The following DENND2A variants were observed in gnomAD, a reference collection of about 807,000 sequenced individuals.
DENND2A encodes DENN domain-containing protein 2A.
DENND2A carries 53 observed loss-of-function variants against 105.3 expected under a neutral mutation model. That is an observed-to-expected ratio of 0.50 (90% CI 0.40 to 0.63). The LOEUF is 0.63. DENND2A is among the 30% of genes least tolerant of loss of function. The probability of loss-of-function intolerance (pLI) is 0.00; values close to 1 mark genes in which losing one functional copy is unlikely to be tolerated. For missense variants in DENND2A, 1,138 were observed against 1,279.6 expected (o/e 0.89, Z 1.69); for synonymous variants, 522 against 508.4 (o/e 1.03, Z -0.36).
Position 140,523,214 on chromosome 7 carries a change from C to A in DENND2A, c.2665+93G>T. On this transcript the variant is annotated intron_variant, in intron 17 of 19. Coordinates refer to ENST00000496613, the MANE Select transcript of DENND2A (RefSeq NM_015689.5). This position sits in a 1 kb window ranked among gnomAD's most constrained non-coding sequence, Gnocchi z 4.5. ...TTTCTCTCCTTATGTCTCCCTTGCC[C>A]ATATTCCTACTTGGCCCTTGGCCAC... 8.8e-7 allele frequency: 1 copy of A among 1,135,746 alleles called. No homozygotes were observed. Among genetic ancestry groups the A allele is most frequent in the Non-Finnish European group, 1.3e-6 (1 of 750,180 alleles). 70.4% of individuals were successfully genotyped at this position (1,135,746 alleles called of 1,614,324 possible). A position where few individuals can be genotyped will look rare whatever the true frequency, so the allele number is the denominator to read the frequency against.
At chr7:140,631,942 G>A (rs2130738546) in intron 1 of DENND2A, among the ~76,000 whole-genome samples, 1 of 152,152 alleles carries the variant, frequency 6.6e-6, no homozygotes, top group South Asian at 2.1e-4. Flanking sequence ...CTCACTCCAA[G>A]CTCGGGAGAT....
In DENND2A at chr7:140,567,287, GGAGAGAGAAAGAGAGAAAGA is replaced by G; in HGVS notation, c.1592-34_1592-15del. On this transcript the variant is annotated splice_polypyrimidine_tract_variant and intron_variant, in intron 8 of 19. Transcript: ENST00000496613. ...GCTGGCTGTGAGCTGGGTGAGGGAG[GGAGAGAGAAAGAGAGAAAGA>G]GAGAGAGAGAGAGAGAGAGAGAGAG... 8.2e-7 allele frequency: 1 copy of G among 1,214,390 alleles called. No individual in the cohort carries two copies. The highest frequency in any genetic ancestry group is 2.1e-5 in the Admixed American group (1 of 48,240). The allele number at this position is 1,214,390 out of a possible 1,614,324, so 75.2% of individuals were successfully genotyped here. A position where few individuals can be genotyped will look rare whatever the true frequency, so the allele number is the denominator to read the frequency against.
In DENND2A at chr7:140,601,642, C is replaced by T; in HGVS notation, c.756G>A (p.Arg252=). Residue 252 remains arginine, a synonymous_variant, in exon 3 of 20, where the codon AGG becomes AGA. Transcript: ENST00000496613. The part of the protein sequence containing the change: ...PWDRSLENVY[R]GSEGSPTKPF... ...GCTTTGTGGGGGAACCCTCCGAGCC[C>T]CTATACACGTTCTCAAGGCTCCGGT... 1.2e-6 allele frequency: 2 copies of T among 1,613,138 alleles called. No individual in the cohort carries two copies. Among genetic ancestry groups the T allele is most frequent in the Non-Finnish European group, 1.7e-6 (2 of 1,179,326 alleles).
chr7:140,596,386 G>A (rs555014254), intron 3 of DENND2A, among the ~76,000 whole-genome samples: 4 of 152,282 alleles, frequency 2.6e-5, no homozygotes, highest in Non-Finnish European at 4.4e-5. Context: ...GTTTTTAGAC[G>A]TGGTAATTCC....
intron 14 of DENND2A, among the ~76,000 whole-genome samples, chr7:140,539,047 C>T (rs941345985): frequency 2.0e-5 from 3 of 152,188 alleles, no homozygotes; most frequent in Non-Finnish European, 4.4e-5. Flanking sequence ...TGGTCTCGAA[C>T]TCCTGGCCTC....
chr7:140,522,821 T>G (rs2130453975), intron 17 of DENND2A, among the ~76,000 whole-genome samples: 1 of 152,036 alleles, frequency 6.6e-6, no homozygotes, highest in Non-Finnish European at 1.5e-5. Context: ...TTGGCCAGGC[T>G]GGTTTCGAAC....
rs553759965 is a variant in DENND2A at position 140,579,243 on chromosome 7, C to CGATTGT, written c.1246-5241_1246-5236dup. Among the ~76,000 whole-genome samples, 3 of 151,320 alleles carry CGATTGT rather than the reference C, an allele frequency of 2.0e-5. No individual in the cohort carries two copies. The South Asian group carries it at 6.3e-4, about 32-fold the overall frequency. The stretch of plus-strand genomic sequence containing the variant: ...CGGAGGCGGAGGTTGCAGTAAGTCA[C>CGATTGT]GATTGTGCCACTGCACTCCAGACTG... On this transcript the variant is annotated intron_variant, in intron 5 of 19. Transcript: ENST00000496613.
At chr7:140,587,932 AC>A in intron 3 of DENND2A, 152 bp from the exon 4 acceptor site, 1 of 1,043,800 alleles carries the variant, frequency 9.6e-7, no homozygotes, top group Non-Finnish European at 1.3e-6. Flanking sequence ...ATTTTTTGAG[AC>A]AAAGTCTTGC....
At chr7:140,583,088 G>A (rs773914190) in intron 5 of DENND2A, among the ~76,000 whole-genome samples, 3 of 151,748 alleles carry the variant, frequency 2.0e-5, no homozygotes, top group East Asian at 1.9e-4. Context: ...TCAGGAGATC[G>A]AGACCATCCT....
At chr7:140,540,623 C>T (rs4289726) in intron 14 of DENND2A, among the ~76,000 whole-genome samples, 4,998 of 152,294 alleles carry the variant, frequency 0.033, 249 homozygotes, top group African/African-American at 0.11. Context: ...GCTGGCCCAG[C>T]GTCCAACCTG....
At chr7:140,590,629 C>T (rs1798976934) in intron 3 of DENND2A, among the ~76,000 whole-genome samples, 1 of 152,170 alleles carries the variant, frequency 6.6e-6, no homozygotes, top group African/African-American at 2.4e-5. Context: ...CTTTGGGAGG[C>T]TGAGGCAGGA....
chr7:140,625,604 T>C lies in DENND2A; in HGVS notation c.-248+14900A>G, dbSNP rs146357926. 5.3e-3 allele frequency among the ~76,000 whole-genome samples: 806 copies of C among 151,746 alleles called. 6 individuals are homozygous for C. Among genetic ancestry groups the C allele is most frequent in the African/African-American group, 0.018 (756 of 41,344 alleles). ...TGCTGAGGCAGGAGAATTGCTTGAA[T>C]GCAGGAGGCAGCGTTTGCAGTGAGC... is the stretch of plus-strand genomic sequence containing the variant. On this transcript the variant is annotated intron_variant, in intron 1 of 19. Coordinates refer to ENST00000496613, the MANE Select transcript of DENND2A (RefSeq NM_015689.5).
At chr7:140,589,742 C>A (rs1018908136) in intron 3 of DENND2A, among the ~76,000 whole-genome samples, 1 of 152,240 alleles carries the variant, frequency 6.6e-6, no homozygotes. Flanking sequence ...AATCCTTGTC[C>A]TTCAGCCTCC....
At chr7:140,556,542 G>T (rs1045575966) in intron 11 of DENND2A, among the ~76,000 whole-genome samples, 2 of 150,124 alleles carry the variant, frequency 1.3e-5, no homozygotes, top group African/African-American at 2.5e-5. Context: ...GTTTCACCAT[G>T]TTGGCCAGGC....
chr7:140,568,851 A>C, intron 7 of DENND2A, 38 bp from the exon 8 acceptor site: 1 of 1,599,644 alleles, frequency 6.3e-7, no homozygotes, highest in South Asian at 1.1e-5. Context: ...TGCAAATGTG[A>C]GTTCTTCTCA....
chr7:140,608,632 A>C (rs7789961), intron 1 of DENND2A, among the ~76,000 whole-genome samples: 18,644 of 151,554 alleles, frequency 0.12, 3,208 homozygotes, highest in African/African-American at 0.39. Context: ...GCTGAGACTG[A>C]ACCACTGCAC....
chr7:140,518,937 G>C (rs1381880335), intron 19 of DENND2A, among the ~76,000 whole-genome samples, 199 bp from the exon 20 acceptor site: 1 of 152,172 alleles, frequency 6.6e-6, no homozygotes, highest in East Asian at 1.9e-4. Flanking sequence ...ACTTGAGGGG[G>C]TTTGAAAGGA....
intron 1 of DENND2A, among the ~76,000 whole-genome samples, chr7:140,634,277 C>A (rs1012051580): frequency 1.3e-5 from 2 of 151,882 alleles, no homozygotes; most frequent in Admixed American, 1.3e-4. Context: ...GGATTACAGG[C>A]GTGAGCCACC....
intron 12 of DENND2A, 71 bp downstream of exon 12, chr7:140,555,565 G>C: frequency 1.5e-6 from 2 of 1,328,042 alleles, no homozygotes; most frequent in Non-Finnish European, 1.1e-6. Flanking sequence ...AGGACATGGG[G>C]GTATTCCCTG....
Sources: gnomAD v4.1 joint callset for allele counts (sites outside exome capture counted in the v4.1 genomes callset) on GRCh38, gnomAD v4.1.1 for gene constraint, Gnocchi (gnomAD v3.1) non-coding constraint, MANE v1.5 for transcripts, NCBI Gene and HGNC (gene_info 2026-07-23, HGNC 2026-07-21) for gene names.